XPR1: variants seen among roughly 807,000 people sequenced by gnomAD.
The protein encoded by XPR1 is solute carrier family 53 member 1.
In XPR1, 28 loss-of-function variants were observed where a neutral mutation model predicts 87.5. The ratio of observed to expected loss-of-function variants is 0.32; its 90% CI spans 0.24 to 0.44. XPR1 has a LOEUF of 0.44. Ranked by LOEUF, XPR1 falls within the 20% of genes least tolerant of loss-of-function variation. The pLI, the probability that XPR1 is intolerant of heterozygous loss-of-function variation, is 1.00. For missense variants in XPR1, 559 were observed against 862.3 expected (o/e 0.65, Z 4.41); for synonymous variants, 300 against 306.1 (o/e 0.98, Z 0.21).
Position 180,824,895 on chromosome 1 carries a change from C to T in XPR1, c.906C>T (p.Ile302=). ...AGGCTGGAGTAAACCATGTACTCATCTTTGAACTTAATCCGAGAAGCAATT... is the reference window on the plus strand; with the variant it reads ...AGGCTGGAGTAAACCATGTACTCATTTTTGAACTTAATCCGAGAAGCAATT... ...WRQAGVNHVL[I]FELNPRSNLS... is the part of the protein sequence containing the mutation. Residue 302 remains isoleucine (I), a synonymous_variant, in exon 8 of 15, where the codon ATC becomes ATT. Transcript: ENST00000367590. 2.5e-6 allele frequency: 4 copies of T among 1,613,916 alleles called. No homozygotes were observed. The highest frequency in any genetic ancestry group is 3.4e-6 in the Non-Finnish European group (4 of 1,179,984).
At chr1:180,792,993 G>T (rs1026806055) in intron 3 of XPR1, among the ~76,000 whole-genome samples, 1 of 152,064 alleles carries the variant, frequency 6.6e-6, no homozygotes, top group South Asian at 2.1e-4. Flanking sequence ...AAATAGCTAA[G>T]TGCTTTTTCT....
intron 7 of XPR1, among the ~76,000 whole-genome samples, chr1:180,814,698 G>T (rs1011100579): frequency 1.3e-5 from 2 of 152,094 alleles, no homozygotes; most frequent in African/African-American, 4.8e-5. Context: ...GGGAGATTAA[G>T]GCATATATTA....
chr1:180,696,208 GTATATATATATA>G (rs71121045), intron 2 of XPR1, among the ~76,000 whole-genome samples: 175 of 88,576 alleles, frequency 2.0e-3, no homozygotes, highest in African/African-American at 2.7e-3. Flanking sequence ...GTGTGTGTGT[GTATATATATATA>G]TATATATATA....
intron 1 of XPR1, among the ~76,000 whole-genome samples, chr1:180,634,130 A>T (rs369461698): frequency 1.3e-5 from 2 of 152,234 alleles, no homozygotes; most frequent in African/African-American, 4.8e-5. Flanking sequence ...CCTCATTCAC[A>T]TAGTCCACTT....
intron 2 of XPR1, among the ~76,000 whole-genome samples, chr1:180,734,692 A>T (rs1658669892): frequency 6.6e-6 from 1 of 152,174 alleles, no homozygotes; most frequent in South Asian, 2.1e-4. Flanking sequence ...CAGCCCAGTA[A>T]GTAATTGGCT....
intron 2 of XPR1, among the ~76,000 whole-genome samples, chr1:180,710,555 A>AT (rs552224939): frequency 1.2e-3 from 187 of 152,194 alleles, no homozygotes; most frequent in African/African-American, 4.3e-3. Context: ...AGGCAGAAGA[A>AT]TTTTTCTTAG....
chr1:180,673,249 A>G (rs1395428700), intron 1 of XPR1, among the ~76,000 whole-genome samples: 2 of 152,178 alleles, frequency 1.3e-5, no homozygotes, highest in Admixed American at 1.3e-4. Flanking sequence ...CTCATTGAAT[A>G]TACATGTTAA....
At position 180,803,500 on chromosome 1, in the gene XPR1, G is replaced by A. The variant is rs1233234789; in HGVS notation, c.336G>A (p.Lys112=). 6.2e-7 allele frequency: 1 copy of A among 1,613,946 alleles called. No homozygotes were observed. Among genetic ancestry groups the A allele is most frequent in the Non-Finnish European group, 8.5e-7 (1 of 1,179,994 alleles). ...TTACTACGCTGCGACAACGCAGAAA[G>A]CCAGTCTTCCACTTGTCCCATGAGG... ...TGVTTLRQRR[K]PVFHLSHEER... The change falls in exon 4 of 15, where the codon AAG becomes AAA. Residue 112 remains lysine (K), a synonymous_variant. Transcript: ENST00000367590.
intron 2 of XPR1, among the ~76,000 whole-genome samples, chr1:180,750,866 T>A (rs186685218): frequency 2.8e-4 from 43 of 152,202 alleles, no homozygotes; most frequent in Admixed American, 8.5e-4. Context: ...ATTCAACAAT[T>A]CTAGTCCACG....
chr1:180,685,061 G>A (rs1352487923), intron 2 of XPR1, among the ~76,000 whole-genome samples: 1 of 151,910 alleles, frequency 6.6e-6, no homozygotes, highest in Non-Finnish European at 1.5e-5. Context: ...CCTGTCTTGT[G>A]CCAGTTTTCA....
chr1:180,825,006 T>G, intron 8 of XPR1, 63 bp downstream of exon 8: 1 of 1,546,184 alleles, frequency 6.5e-7, no homozygotes, highest in Non-Finnish European at 8.7e-7. Context: ...AGCTATCTGG[T>G]TTAGTGGGTA....
chr1:180,662,986 T>G (rs1655829334), intron 1 of XPR1, among the ~76,000 whole-genome samples: 1 of 152,228 alleles, frequency 6.6e-6, no homozygotes, highest in Non-Finnish European at 1.5e-5. Flanking sequence ...TCTCATTATT[T>G]GAGTTTCTTT....
chr1:180,637,703 G>A (rs1045574668), intron 1 of XPR1, among the ~76,000 whole-genome samples: 5 of 152,048 alleles, frequency 3.3e-5, no homozygotes, highest in Non-Finnish European at 5.9e-5. Context: ...ACAGGCGCGC[G>A]CAACTACATC....
chr1:180,713,841 C>T (rs1657888908), intron 2 of XPR1, among the ~76,000 whole-genome samples: 3 of 151,914 alleles, frequency 2.0e-5, no homozygotes, highest in Non-Finnish European at 4.4e-5. Context: ...CTTATAATGT[C>T]TTTGTCTTGT....
intron 2 of XPR1, among the ~76,000 whole-genome samples, chr1:180,732,953 C>T (rs1029140549): frequency 6.6e-6 from 1 of 152,160 alleles, no homozygotes; most frequent in Non-Finnish European, 1.5e-5. Flanking sequence ...CCCCTGGTGT[C>T]TGGCCGCTCA....
At chr1:180,757,828 CTTA>C (rs1477521565) in intron 2 of XPR1, among the ~76,000 whole-genome samples, 2 of 117,564 alleles carry the variant, frequency 1.7e-5, no homozygotes, top group Admixed American at 2.4e-4. Context: ...TGTCTTTTTG[CTTA>C]TTCTCTGCTC....
Position 180,836,645 on chromosome 1 carries a change from T to G in XPR1, c.1430T>G (p.Leu477Ter). ...GACACAAAAAGGGCCTTTCCTCATT[T>G]AGTTAATGCTGGCAAATACTCCACA... Reference protein sequence around the residue: ...YRDTKRAFPHLVNAGKYSTTF... With the variant: ...YRDTKRAFPH Residue 477 changes from leucine to a stop codon, truncating the protein, a stop_gained, in exon 11 of 15, where the codon TTA becomes TGA. Coordinates refer to ENST00000367590, the MANE Select transcript of XPR1 (RefSeq NM_004736.4). LOFTEE classifies it high-confidence loss of function. 6.2e-7 allele frequency: 1 copy of G among 1,614,204 alleles called. No homozygotes were observed. The highest frequency in any genetic ancestry group is 8.5e-7 in the Non-Finnish European group (1 of 1,180,030).
Position 180,751,998 on chromosome 1 carries a change from A to G in XPR1, c.122-35755A>G, listed in dbSNP as rs573432235. Among the ~76,000 whole-genome samples the G allele has an allele frequency of 3.9e-5, 6 of 152,282 alleles. No homozygotes were observed. In the South Asian group the frequency reaches 8.3e-4, roughly 21 times the overall value. ...TGGGGATATGAACTTGGAAACTTAT[A>G]ATACAAAAAATACCAATATAATGAT... is the stretch of plus-strand genomic sequence containing the variant. On this transcript the variant is annotated intron_variant, in intron 2 of 14. Coordinates refer to ENST00000367590, the MANE Select transcript of XPR1 (RefSeq NM_004736.4).
In XPR1 at chr1:180,847,150, A is replaced by G. The variant is rs78569740; in HGVS notation, c.1501+10434A>G. Among the ~76,000 whole-genome samples the G allele has an allele frequency of 2.9e-4, 44 of 152,354 alleles. No homozygotes were observed. In the East Asian group the frequency reaches 6.9e-3, roughly 24 times the overall value. On this transcript the variant is annotated intron_variant, in intron 11 of 14. Coordinates refer to ENST00000367590, the MANE Select transcript of XPR1 (RefSeq NM_004736.4). Reference sequence around the variant, plus strand: ...ACACAACACATTTCATAGCTGGTATAGAAAAGACTGAATCACTGAAGAAAA... The same window carrying G: ...ACACAACACATTTCATAGCTGGTATGGAAAAGACTGAATCACTGAAGAAAA...
Sources: allele counts gnomAD v4.1 joint callset (sites outside exome capture counted in the v4.1 genomes callset), GRCh38; gene constraint gnomAD v4.1.1; transcripts MANE v1.5; gene names NCBI Gene and HGNC (gene_info 2026-07-23, HGNC 2026-07-21).